CGNL1: variants seen among roughly 807,000 people sequenced by gnomAD.
The protein encoded by CGNL1 is cingulin-like protein 1.
CGNL1 carries 132 observed loss-of-function variants against 141.2 expected under a neutral mutation model. The observed-to-expected ratio is 0.93, with a 90% CI of 0.81 to 1.08. CGNL1 has a LOEUF of 1.08. Among genes scored for constraint, CGNL1 ranks in the 50% least tolerant of loss-of-function variants. The probability of loss-of-function intolerance (pLI) is 0.00; values close to 1 mark genes in which losing one functional copy is unlikely to be tolerated. For synonymous variants in CGNL1, 690 were observed against 622.1 expected (o/e 1.11, Z -1.63); for missense variants, 1,870 against 1,588.6 (o/e 1.18, Z -3.01).
intron 1 of CGNL1, among the ~76,000 whole-genome samples, chr15:57,394,260 A>G (rs1379983790): frequency 6.6e-6 from 1 of 151,618 alleles, no homozygotes; most frequent in Non-Finnish European, 1.5e-5. Flanking sequence ...AGTAGCTGGG[A>G]TTATAGGCAT....
At chr15:57,488,268 G>T (rs2063811297) in intron 8 of CGNL1, among the ~76,000 whole-genome samples, 1 of 152,088 alleles carries the variant, frequency 6.6e-6, no homozygotes, top group South Asian at 2.1e-4. Context: ...TTACTGAGTT[G>T]TAATGGTTCT....
intron 8 of CGNL1, among the ~76,000 whole-genome samples, chr15:57,491,360 A>G (rs2063860186): frequency 1.3e-5 from 2 of 152,296 alleles, no homozygotes; most frequent in South Asian, 2.1e-4. Context: ...GTCATCCTCA[A>G]GCAGCCTCCT....
intron 1 of CGNL1, among the ~76,000 whole-genome samples, chr15:57,391,290 A>T (rs2062540241): frequency 6.6e-6 from 1 of 152,242 alleles, no homozygotes; most frequent in Non-Finnish European, 1.5e-5. Flanking sequence ...CCTCGTGCCC[A>T]TAAGGGATGA....
chr15:57,397,826 A>C (rs781093043), intron 1 of CGNL1, among the ~76,000 whole-genome samples: 1 of 149,086 alleles, frequency 6.7e-6, no homozygotes, highest in South Asian at 2.1e-4. Context: ...TCTGTCGCCC[A>C]TGCTGGAGTG....
chr15:57,467,320 G>A (rs569097938), intron 8 of CGNL1, among the ~76,000 whole-genome samples: 2 of 152,164 alleles, frequency 1.3e-5, no homozygotes, highest in African/African-American at 2.4e-5. Flanking sequence ...TGGCAATCAC[G>A]AAAGATTTTA....
intron 1 of CGNL1, among the ~76,000 whole-genome samples, chr15:57,405,770 T>C (rs866185519): frequency 5.5e-4 from 68 of 123,096 alleles, no homozygotes; most frequent in Middle Eastern, 3.8e-3. Flanking sequence ...CTTTCTTTCT[T>C]TCTCTTTCTT....
intron 7 of CGNL1, among the ~76,000 whole-genome samples, chr15:57,456,905 T>G (rs940221907): frequency 2.0e-4 from 30 of 152,248 alleles, no homozygotes; most frequent in African/African-American, 5.8e-4. Flanking sequence ...AATAGTCTGG[T>G]TATAAAATTG....
intron 3 of CGNL1, 23 bp from the exon 4 acceptor site, chr15:57,442,350 T>G (rs745369915): frequency 1.3e-6 from 2 of 1,501,074 alleles, no homozygotes; most frequent in South Asian, 2.3e-5. Context: ...CCCTCATTGT[T>G]TTCTCTGCTG....
intron 1 of CGNL1, among the ~76,000 whole-genome samples, chr15:57,405,783 TTTCTTTCTTTCTTTCTTTCTTTCTTTCC>T (rs2062710723): frequency 5.7e-5 from 2 of 35,090 alleles, no homozygotes; most frequent in Admixed American, 3.6e-4. Context: ...TCTTTCTTTC[TTTCTTTCTTTCTTTCTTTCTTTCTTTCC>T]TTCTTTCTTT....
At chr15:57,444,626 A>G (rs2063229488) in intron 4 of CGNL1, among the ~76,000 whole-genome samples, 2 of 152,190 alleles carry the variant, frequency 1.3e-5, no homozygotes, top group African/African-American at 4.8e-5. Context: ...CAGTGACACT[A>G]ATGGTGCCCC....
intron 1 of CGNL1, among the ~76,000 whole-genome samples, chr15:57,386,329 G>C (rs113464084): frequency 0.043 from 6,611 of 152,192 alleles, 172 homozygotes; most frequent in African/African-American, 0.064. Flanking sequence ...CTCCCATCTC[G>C]TCATGTTGCT....
Position 57,524,503 on chromosome 15 carries a change from G to A in CGNL1, c.2869-78G>A, listed in dbSNP as rs1370855105. ...AGAAGAAAGGGAGAAGAGGAGATGT[G>A]CTGTGTGTTGAAATGGGACCCAGAC... On this transcript the variant is annotated intron_variant, in intron 11 of 18. Coordinates refer to ENST00000281282, the MANE Select transcript of CGNL1 (RefSeq NM_032866.5). 3.1e-6 allele frequency: 4 copies of A among 1,282,982 alleles called. No individual in the cohort carries two copies. In the Admixed American group the frequency reaches 8.5e-5, roughly 27 times the overall value. 79.5% of individuals were successfully genotyped at this position (1,282,982 alleles called of 1,614,324 possible).
chr15:57,496,278 C>G (rs1279574914), intron 8 of CGNL1, among the ~76,000 whole-genome samples: 2 of 152,154 alleles, frequency 1.3e-5, no homozygotes, highest in Non-Finnish European at 2.9e-5. Context: ...TTGAGAAGAT[C>G]AAGAGTTGTG....
intron 8 of CGNL1, among the ~76,000 whole-genome samples, chr15:57,488,621 A>G (rs1322466597): frequency 2.6e-5 from 4 of 152,164 alleles, no homozygotes; most frequent in African/African-American, 9.7e-5. Context: ...GCCCAAGGGT[A>G]CACTGGTCCC....
intron 8 of CGNL1, among the ~76,000 whole-genome samples, chr15:57,487,675 G>A (rs1465000891): frequency 6.6e-6 from 1 of 152,176 alleles, no homozygotes; most frequent in Non-Finnish European, 1.5e-5. Flanking sequence ...TGAGTTGCTA[G>A]CTTTGTAGAT....
At chr15:57,511,140 C>T (rs2030268652) in intron 8 of CGNL1, among the ~76,000 whole-genome samples, 1 of 152,196 alleles carries the variant, frequency 6.6e-6, no homozygotes, top group Non-Finnish European at 1.5e-5. Flanking sequence ...AGAGGGTTTG[C>T]AATTGAAAAC....
rs773181162 is a variant in CGNL1 at position 57,543,713 on chromosome 15, T to C, written c.3309T>C (p.Asn1103=). ...TGCTGTAGATGGAGCAGTTGAGGAATGAGCTACTTCAGGAGAGAGCTGCGA... is the reference window on the plus strand; with the variant it reads ...TGCTGTAGATGGAGCAGTTGAGGAACGAGCTACTTCAGGAGAGAGCTGCGA... ...RSREQMEQLR[N]ELLQERAARQ... is the part of the protein sequence containing the mutation. The change falls in exon 15 of 19, where the codon AAT becomes AAC. Residue 1103 remains asparagine, a synonymous_variant. Coordinates refer to ENST00000281282, the MANE Select transcript of CGNL1 (RefSeq NM_032866.5). The C allele has an allele frequency of 6.2e-7, 1 of 1,613,556 alleles. No individual in the cohort carries two copies. Among genetic ancestry groups the C allele is most frequent in the Non-Finnish European group, 8.5e-7 (1 of 1,179,524 alleles).
At chr15:57,528,554 CT>C in intron 12 of CGNL1, 99 bp from the exon 13 acceptor site, 1 of 1,211,814 alleles carries the variant, frequency 8.3e-7, no homozygotes, top group Non-Finnish European at 1.2e-6. Flanking sequence ...GGGAGTCCAG[CT>C]GATCTTCCTT....
chr15:57,511,584 G>A (rs1261419729), intron 8 of CGNL1, among the ~76,000 whole-genome samples: 1 of 152,170 alleles, frequency 6.6e-6, no homozygotes, highest in Admixed American at 6.5e-5. Flanking sequence ...AGCCCCACCA[G>A]CAATCGATGA....
Sources: gnomAD v4.1 joint callset for allele counts (sites outside exome capture counted in the v4.1 genomes callset) on GRCh38, gnomAD v4.1.1 for gene constraint, MANE v1.5 for transcripts, NCBI Gene and HGNC (gene_info 2026-07-23, HGNC 2026-07-21) for gene names.